GEN1: variants seen among roughly 807,000 people sequenced by gnomAD.
GEN1 encodes GEN1 structure-specific endonuclease.
GEN1 carries 64 observed loss-of-function variants against 67.6 expected under a neutral mutation model. That is an observed-to-expected ratio of 0.95 (90% confidence interval 0.77 to 1.17). The LOEUF (loss-of-function observed/expected upper bound fraction) is 1.17, where lower values mean the gene tolerates loss of function less well. Among genes scored for constraint, GEN1 ranks in the 50% most tolerant of loss-of-function variants. GEN1 has a pLI of 0.00. For synonymous variants in GEN1, 371 were observed against 359.4 expected (o/e 1.03, Z -0.37); for missense variants, 1,058 against 1,048.3 (o/e 1.01, Z -0.13).
rs151314688 is a variant in GEN1, at chr2:17,780,928, C to G, written c.1716C>G (p.Thr572=). 2 of 1,613,672 alleles carry G rather than the reference C, an allele frequency of 1.2e-6. No homozygotes were observed. Among genetic ancestry groups the G allele is most frequent in the Non-Finnish European group, 1.7e-6 (2 of 1,179,884 alleles). Residue 572 remains threonine (T), a synonymous_variant, in exon 14 of 14, where the codon ACC becomes ACG. Coordinates refer to ENST00000381254, the MANE Select transcript of GEN1 (RefSeq NM_001130009.3). ...TTTCAGAATCTAGTCAACCCAATAC[C>G]TCATCTCATAATATATCCGTGATTG... ...SLISESSQPN[T]SSHNISVIAD...
At chr2:17,771,402 T>C (rs2125143634) in intron 7 of GEN1, 115 bp downstream of exon 7, 1 of 671,406 alleles carries the variant, frequency 1.5e-6, no homozygotes. Context: ...TTACATTGTC[T>C]TCTCCACTAG....
intron 6 of GEN1, among the ~76,000 whole-genome samples, chr2:17,769,577 T>G (rs573207232): frequency 6.6e-6 from 1 of 152,324 alleles, no homozygotes; most frequent in East Asian, 1.9e-4. Flanking sequence ...AAATGAAATG[T>G]CTGTGGCGTG....
In GEN1 at chr2:17,781,360, A is replaced by G; in HGVS notation, c.2148A>G (p.Thr716=). Residue 716 remains threonine, a synonymous_variant, in exon 14 of 14, where the codon ACA becomes ACG. Coordinates refer to ENST00000381254, the MANE Select transcript of GEN1 (RefSeq NM_001130009.3). ...SCIANSGSDC[T]SHLSKDLPGI... is the part of the protein sequence containing the mutation. ...TTGCTAACAGTGGTTCTGATTGTAC[A>G]TCACATCTTTCAAAGGATCTTCCAG... is the stretch of plus-strand genomic sequence containing the variant. 6.2e-7 allele frequency: 1 copy of G among 1,613,970 alleles called. No homozygotes were observed. Among genetic ancestry groups the G allele is most frequent in the Non-Finnish European group, 8.5e-7 (1 of 1,179,910 alleles).
rs1225895291 is a variant in GEN1 at position 17,787,029 on chromosome 2, C to G, written c.*5090C>G. On this transcript the variant is annotated 3_prime_UTR_variant, in exon 14 of 14. Coordinates refer to ENST00000381254, the MANE Select transcript of GEN1 (RefSeq NM_001130009.3). ...GCATTCATAGTCATGAACCTTGGCT[C>G]TAGCCACCTAAGACCATTTGTTATT... is the stretch of plus-strand genomic sequence containing the variant. 2 of 152,230 alleles carry G rather than the reference C, an allele frequency of 1.3e-5. No homozygotes were observed. Among genetic ancestry groups the G allele is most frequent in the Non-Finnish European group, 2.9e-5 (2 of 68,058 alleles). 9.4% of individuals were successfully genotyped at this position (152,230 alleles called of 1,614,324 possible).
At chr2:17,777,800 T>C (rs1335525510) in intron 11 of GEN1, among the ~76,000 whole-genome samples, 3 of 152,016 alleles carry the variant, frequency 2.0e-5, no homozygotes, top group Non-Finnish European at 4.4e-5. Flanking sequence ...AAGAAACAAC[T>C]TACTTAGAAG....
rs765931777 is a variant in GEN1 at position 17,781,319 on chromosome 2, G to A, written c.2107G>A (p.Val703Ile). ...CCTGAAAACTTTGTCCATACTTAGTGTAAAAGAATCTTGTATTGCTAACAG... is the reference window on the plus strand; with the variant it reads ...CCTGAAAACTTTGTCCATACTTAGTATAAAAGAATCTTGTATTGCTAACAG... ...VNLKTLSILSVKESCIANSGS... is the reference protein window; with the variant it reads ...VNLKTLSILSIKESCIANSGS... Residue 703 changes from valine to isoleucine, a missense_variant, in exon 14 of 14, where the codon GTA (valine) becomes ATA (isoleucine). Coordinates refer to ENST00000381254, the MANE Select transcript of GEN1 (RefSeq NM_001130009.3). 4 of 1,613,768 alleles carry A rather than the reference G, an allele frequency of 2.5e-6. No homozygotes were observed. The Admixed American group carries it at 6.7e-5, about 27-fold the overall frequency.
intron 5 of GEN1, among the ~76,000 whole-genome samples, chr2:17,767,083 C>G (rs556291893): frequency 6.6e-6 from 1 of 152,206 alleles, no homozygotes; most frequent in South Asian, 2.1e-4. Context: ...TGCACATGCT[C>G]AATGCTATTA....
At chr2:17,772,512 A>G (rs1397238870) in intron 7 of GEN1, 122 bp from the exon 8 acceptor site, 1 of 677,986 alleles carries the variant, frequency 1.5e-6, no homozygotes, top group African/African-American at 1.8e-5. Flanking sequence ...ACCTTTCTAT[A>G]TGCTAGGTAG....
rs554770756 is a variant in GEN1, at chr2:17,783,215, G to C, written c.*1276G>C. ...AGGGATTACAGGTGTGTGCCACCAT[G>C]CCTGGCTAATTTTTAGTATTTTTAG... On this transcript the variant is annotated 3_prime_UTR_variant, in exon 14 of 14. Transcript: ENST00000381254. 2.6e-5 allele frequency: 4 copies of C among 152,348 alleles called. No individual in the cohort carries two copies. The highest frequency in any genetic ancestry group is 6.5e-5 in the Admixed American group (1 of 15,284). 9.4% of individuals were successfully genotyped at this position (152,348 alleles called of 1,614,324 possible).
At chr2:17,768,872 G>A in intron 6 of GEN1, 61 bp downstream of exon 6, 7 of 1,007,272 alleles carry the variant, frequency 6.9e-6, no homozygotes, top group Non-Finnish European at 1.1e-5. Flanking sequence ...ACTTAATAAC[G>A]AATAGTACAG....
intron 11 of GEN1, 119 bp from the exon 12 acceptor site, chr2:17,777,882 TA>T (rs1672514743): frequency 1.8e-6 from 1 of 570,388 alleles, no homozygotes; most frequent in Non-Finnish European, 3.3e-6. Context: ...GAATAGGCAG[TA>T]ATTCCTTAAA....
intron 1 of GEN1, among the ~76,000 whole-genome samples, chr2:17,758,501 A>G (rs958745326): frequency 6.6e-6 from 1 of 152,232 alleles, no homozygotes; most frequent in Non-Finnish European, 1.5e-5. Flanking sequence ...ATTAACCACA[A>G]CTTTTCACAG....
intron 6 of GEN1, among the ~76,000 whole-genome samples, chr2:17,769,124 A>G (rs1672066324): frequency 6.6e-6 from 1 of 152,030 alleles, no homozygotes; most frequent in African/African-American, 2.4e-5. Context: ...GAGTCAAGTG[A>G]TCCTCCTACT....
chr2:17,773,697 G>A (rs1186984559), intron 10 of GEN1, among the ~76,000 whole-genome samples: 1 of 152,024 alleles, frequency 6.6e-6, no homozygotes, highest in African/African-American at 2.4e-5. Context: ...GTGTGACCCT[G>A]GATGTGTGTT....
intron 4 of GEN1, among the ~76,000 whole-genome samples, chr2:17,765,494 A>G (rs1016541687): frequency 6.6e-6 from 1 of 152,230 alleles, no homozygotes; most frequent in Non-Finnish European, 1.5e-5. Flanking sequence ...TGATAGGGAC[A>G]TGGTTAAATC....
At position 17,787,155 on chromosome 2, in the gene GEN1, C is replaced by T. The variant is rs1335470685; in HGVS notation, c.*5216C>T. 6.6e-6 allele frequency: 1 copy of T among 152,116 alleles called. No homozygotes were observed. Among genetic ancestry groups the T allele is most frequent in the East Asian group, 1.9e-4 (1 of 5,196 alleles). 9.4% of individuals were successfully genotyped at this position (152,116 alleles called of 1,614,324 possible). A position where few individuals can be genotyped will look rare whatever the true frequency, so the allele number is the denominator to read the frequency against. ...GCTCACATGTCATAACTTTATAATC[C>T]CAAGCAGAATTATTTGCTCTATACG... On this transcript the variant is annotated 3_prime_UTR_variant, in exon 14 of 14. Coordinates refer to ENST00000381254, the MANE Select transcript of GEN1 (RefSeq NM_001130009.3).
rs1459368230 is a variant in GEN1, at chr2:17,787,168, T to C, written c.*5229T>C. ...AACTTTATAATCCCAAGCAGAATTA[T>C]TTGCTCTATACGTGTCCCCAAAGAA... is the stretch of plus-strand genomic sequence containing the variant. On this transcript the variant is annotated 3_prime_UTR_variant, in exon 14 of 14. Coordinates refer to ENST00000381254, the MANE Select transcript of GEN1 (RefSeq NM_001130009.3). The C allele has an allele frequency of 6.6e-6, 1 of 152,232 alleles. No individual in the cohort carries two copies. The highest frequency in any genetic ancestry group is 1.5e-5 in the Non-Finnish European group (1 of 68,054). The allele number at this position is 152,232 out of a possible 1,614,324, so 9.4% of individuals were successfully genotyped here.
chr2:17,759,821 A>T, intron 1 of GEN1, 108 bp from the exon 2 acceptor site: 1 of 899,190 alleles, frequency 1.1e-6, no homozygotes, highest in East Asian at 2.6e-5. Context: ...AAAATAAGGA[A>T]TATCCTCTAT....
At chr2:17,773,427 A>G (rs1202453075) in intron 10 of GEN1, 128 bp downstream of exon 10, 1 of 601,704 alleles carries the variant, frequency 1.7e-6, no homozygotes, top group Non-Finnish European at 2.9e-6. Context: ...TTTTTTCAGC[A>G]TTTATTTCTA....
Sources: gnomAD v4.1 joint callset for allele counts (sites outside exome capture counted in the v4.1 genomes callset) on GRCh38, gnomAD v4.1.1 for gene constraint, MANE v1.5 for transcripts, NCBI Gene and HGNC (gene_info 2026-07-23, HGNC 2026-07-21) for gene names.